LUZP1: variants seen among roughly 807,000 people sequenced by gnomAD.
LUZP1 encodes the protein leucine zipper protein 1.
A neutral mutation model predicts 71.3 loss-of-function variants in LUZP1; 25 were observed. The ratio of observed to expected loss-of-function variants is 0.35; its 90% CI spans 0.26 to 0.49. The LOEUF (loss-of-function observed/expected upper bound fraction) is 0.49. LUZP1 is among the 20% of genes least tolerant of loss of function. The pLI, the probability that LUZP1 is intolerant of heterozygous loss-of-function variation, is 0.99. For synonymous variants in LUZP1, 481 were observed against 506.4 expected (o/e 0.95, Z 0.67); for missense variants, 1,142 against 1,300.8 (o/e 0.88, Z 1.88).
chr1:23,131,378 C>T (rs1488686402), intron 2 of LUZP1, among the ~76,000 whole-genome samples: 1 of 152,098 alleles, frequency 6.6e-6, no homozygotes, highest in Non-Finnish European at 1.5e-5. Flanking sequence ...GCTAAAGCTG[C>T]ACTCCTCTCA....
At chr1:23,131,814 T>C (rs1284831611) in intron 2 of LUZP1, among the ~76,000 whole-genome samples, 4 of 152,206 alleles carry the variant, frequency 2.6e-5, no homozygotes, top group African/African-American at 9.6e-5. Context: ...GCCTCCCAAG[T>C]AGCTGGGATT....
At chr1:23,087,063 G>C (rs976597278) in exon 5 of LUZP1, 2 of 152,150 alleles carry the variant, frequency 1.3e-5, no homozygotes, top group African/African-American at 4.8e-5. Context: ...ATTCATAGGA[G>C]ATGCACAGGA....
intron 3 of LUZP1, among the ~76,000 whole-genome samples, chr1:23,100,917 CT>C (rs142796456): frequency 0.011 from 1,741 of 152,274 alleles, 27 homozygotes; most frequent in African/African-American, 0.039. Flanking sequence ...AAATACTGTG[CT>C]TTTTCCAGCA....
At chr1:23,134,812 T>C (rs1033583449) in intron 2 of LUZP1, among the ~76,000 whole-genome samples, 4 of 152,114 alleles carry the variant, frequency 2.6e-5, no homozygotes, top group Non-Finnish European at 2.9e-5. Flanking sequence ...TGGAAATTAG[T>C]TGCCATGCTT....
chr1:23,114,804 T>C (rs924715359), intron 2 of LUZP1, among the ~76,000 whole-genome samples: 1 of 152,226 alleles, frequency 6.6e-6, no homozygotes, highest in Non-Finnish European at 1.5e-5. Flanking sequence ...GGTGGCGGCC[T>C]CTAGTTCTAC....
Position 23,094,229 on chromosome 1 carries a change from G to A in LUZP1, c.33C>T (p.Ala11=), listed in dbSNP as rs199891173. Residue 11 remains alanine, a synonymous_variant, in exon 4 of 5, where the codon GCC becomes GCT. Coordinates refer to ENST00000302291, the Ensembl canonical transcript of LUZP1. This position sits in a 1 kb window ranked among gnomAD's most constrained non-coding sequence, Gnocchi z 4.7. ...GCTTAAACCGCAAGTGGCGGCTGGA[G>A]GCCGTCTCCTTGTAGCTTGTAAATT... is the stretch of plus-strand genomic sequence containing the variant. The A allele has an allele frequency of 8.3e-5, 134 of 1,612,730 alleles. No individual in the cohort carries two copies. Among genetic ancestry groups the A allele is most frequent in the Non-Finnish European group, 2.8e-5 (33 of 1,179,570 alleles).
At chr1:23,168,600 C>A (rs1404076480) in intron 2 of LUZP1, among the ~76,000 whole-genome samples, 166 bp downstream of exon 1, 1 of 129,358 alleles carries the variant, frequency 7.7e-6, no homozygotes, top group African/African-American at 3.2e-5. Flanking sequence ...AAAATCCATT[C>A]CAACTCTCCC....
intron 2 of LUZP1, among the ~76,000 whole-genome samples, chr1:23,165,383 C>T (rs1369404704): frequency 2.1e-5 from 3 of 146,246 alleles, no homozygotes; most frequent in Non-Finnish European, 4.5e-5. Flanking sequence ...TTAAAGAATG[C>T]ATTCCGGGCA....
intron 2 of LUZP1, among the ~76,000 whole-genome samples, chr1:23,159,606 T>A (rs1644448593): frequency 6.6e-6 from 1 of 152,176 alleles, no homozygotes; most frequent in Non-Finnish European, 1.5e-5. Flanking sequence ...AGGTACTCAA[T>A]AAATATTTGT....
chr1:23,093,652 C>G lies in LUZP1; in HGVS notation c.610G>C (p.Glu204Gln), dbSNP rs1447152644. 1 of 1,610,930 alleles carries G rather than the reference C, an allele frequency of 6.2e-7. No homozygotes were observed. Among genetic ancestry groups the G allele is most frequent in the Non-Finnish European group, 8.5e-7 (1 of 1,179,386 alleles). ...TTTATCAATTTCTCATTTTCTTTCT[C>G]CTTTTCATTCAAGTATTTTCTCTCA... The change falls in exon 4 of 5, where the codon GAG (glutamate) becomes CAG (glutamine). Residue 204 changes from glutamate to glutamine, a missense_variant. Glu to Gln is a conservative substitution (Grantham distance 29). Coordinates refer to ENST00000302291, the Ensembl canonical transcript of LUZP1. The surrounding 1 kb of genome is among the most constrained non-coding windows in gnomAD (Gnocchi z 4.2).
chr1:23,165,098 G>A (rs35623043), intron 2 of LUZP1, among the ~76,000 whole-genome samples: 7 of 151,664 alleles, frequency 4.6e-5, no homozygotes, highest in Non-Finnish European at 1.0e-4. Flanking sequence ...ATTAAATACC[G>A]AAGGTTTTCC....
At chr1:23,083,671 A>G (rs1392941192), downstream of LUZP1, 1 of 212,342 alleles carries the variant, frequency 4.7e-6, no homozygotes, top group East Asian at 1.0e-4. Context: ...TTTTGAGAAT[A>G]AAACTTCATA....
intron 2 of LUZP1, among the ~76,000 whole-genome samples, chr1:23,126,737 C>T (rs1179343090): frequency 2.0e-5 from 3 of 152,164 alleles, no homozygotes; most frequent in Non-Finnish European, 4.4e-5. Flanking sequence ...ACCTTTCATC[C>T]TGGATGGCCA....
chr1:23,157,561 C>G (rs1644429729), intron 2 of LUZP1, among the ~76,000 whole-genome samples: 2 of 152,030 alleles, frequency 1.3e-5, no homozygotes, highest in South Asian at 4.2e-4. Context: ...GAAGCCAAGG[C>G]AGGCAGATCA....
intron 3 of LUZP1, among the ~76,000 whole-genome samples, chr1:23,103,107 A>ATT (rs3051246): frequency 0.19 from 27,478 of 145,332 alleles, 2,718 homozygotes; most frequent in Middle Eastern, 0.32. Context: ...AATTTTTCTC[A>ATT]TTTTTTTTTT....
At chr1:23,089,834 C>T (rs950705920) in intron 4 of LUZP1, among the ~76,000 whole-genome samples, 2 of 151,926 alleles carry the variant, frequency 1.3e-5, no homozygotes, top group Non-Finnish European at 2.9e-5. Context: ...GATCTCGGCT[C>T]ACTGCAACCT....
At chr1:23,088,655 G>GGA (rs1272253581) in exon 5 of LUZP1, 28 of 459,702 alleles carry the variant, frequency 6.1e-5, no homozygotes, top group Middle Eastern at 5.7e-4. Flanking sequence ...ACAGGGACAA[G>GGA]GAGAGAGAGA....
In LUZP1 at chr1:23,094,671, A is replaced by T. The variant is rs1023869713; in HGVS notation, c.-119-291T>A. Among the ~76,000 whole-genome samples, 2 of 152,216 alleles carry T rather than the reference A, an allele frequency of 1.3e-5. No individual in the cohort carries two copies. Among genetic ancestry groups the T allele is most frequent in the Non-Finnish European group, 2.9e-5 (2 of 68,038 alleles). ...GGCAGGGTATAATAACATCATTACC[A>T]TCTGCAACCTGCATAATCTCAGGAG... On this transcript the variant is annotated intron_variant, in intron 3 of 4. Coordinates refer to ENST00000302291, the Ensembl canonical transcript of LUZP1. This position sits in a 1 kb window ranked among gnomAD's most constrained non-coding sequence, Gnocchi z 4.7.
At chr1:23,134,582 C>T (rs1644239209) in intron 2 of LUZP1, among the ~76,000 whole-genome samples, 1 of 151,988 alleles carries the variant, frequency 6.6e-6, no homozygotes, top group South Asian at 2.1e-4. Flanking sequence ...AGTTTGAGAC[C>T]AGCCTGGGCA....
Sources: allele counts gnomAD v4.1 joint callset (sites outside exome capture counted in the v4.1 genomes callset), GRCh38; gene constraint gnomAD v4.1.1; non-coding constraint Gnocchi (gnomAD v3.1); transcripts MANE v1.5; gene names NCBI Gene and HGNC (gene_info 2026-07-23, HGNC 2026-07-21).